SLC2A9: variants seen among roughly 807,000 people sequenced by gnomAD.
SLC2A9 encodes solute carrier family 2, facilitated glucose transporter member 9.
Under a neutral mutation model 50.6 loss-of-function variants are expected in SLC2A9, and 39 were observed. That is an observed-to-expected ratio of 0.77 (90% CI 0.60 to 1.01). SLC2A9 has a LOEUF of 1.01. Among genes scored for constraint, SLC2A9 ranks in the 50% least tolerant of loss-of-function variants. The pLI is 0.00. For synonymous variants in SLC2A9, 324 were observed against 276.9 expected, an observed-to-expected ratio of 1.17 and a Z score of -1.69; for missense variants, 686 against 677.6, an observed-to-expected ratio of 1.01 and a Z score of -0.14.
chr4:10,035,846 C>T (rs1764089015), intron 1 of SLC2A9: 1 of 152,368 alleles, frequency 6.6e-6, no homozygotes, highest in African/African-American at 2.4e-5. Context: ...TCTTCTCCTG[C>T]TCTTGAAGGT....
intron 1 of SLC2A9, chr4:10,035,854 GGTCAGAACTCC>G (rs1452917344): frequency 6.6e-6 from 1 of 152,416 alleles, no homozygotes; most frequent in Non-Finnish European, 1.5e-5. Context: ...TGCTCTTGAA[GGTCAGAACTCC>G]GAGCTCCCTG....
At position 9,861,220 on chromosome 4, in the gene SLC2A9, T is replaced by A. The variant is rs186558162; in HGVS notation, c.1292-26212A>T. On this transcript the variant is annotated intron_variant, in intron 10 of 11. Transcript: ENST00000264784. The stretch of plus-strand genomic sequence containing the variant: ...TGCGGAGGTCTCAGGAATCTTCCAA[T>A]CACGGTGGAAGGCAAAGGAGAAGTG... 4.6e-5 allele frequency among the ~76,000 whole-genome samples: 7 copies of A among 152,158 alleles called. No individual in the cohort carries two copies. In the East Asian group the frequency reaches 1.4e-3, roughly 29 times the overall value.
At chr4:10,004,017 A>G (rs1760336324) in intron 2 of SLC2A9, among the ~76,000 whole-genome samples, 1 of 152,222 alleles carries the variant, frequency 6.6e-6, no homozygotes, top group African/African-American at 2.4e-5. Flanking sequence ...CGATGTCACC[A>G]GGACTCAGCC....
chr4:9,928,056 C>T (rs1159835605), intron 6 of SLC2A9, among the ~76,000 whole-genome samples: 1 of 152,102 alleles, frequency 6.6e-6, no homozygotes, highest in Non-Finnish European at 1.5e-5. Context: ...GTGGGAGGAC[C>T]TCTTGAGCCC....
chr4:9,870,109 C>T (rs1457707431), intron 10 of SLC2A9, among the ~76,000 whole-genome samples: 2 of 152,212 alleles, frequency 1.3e-5, no homozygotes, highest in Admixed American at 6.5e-5. Context: ...CCAGGAGAGG[C>T]GTGTGGAAGG....
intron 10 of SLC2A9, among the ~76,000 whole-genome samples, chr4:9,882,047 T>C (rs985927010): frequency 8.5e-5 from 13 of 152,250 alleles, no homozygotes; most frequent in Non-Finnish European, 1.5e-5. Flanking sequence ...AAGATTGTTC[T>C]TGACCTCTGC....
intron 10 of SLC2A9, among the ~76,000 whole-genome samples, chr4:9,873,649 T>C (rs894377188): frequency 6.6e-6 from 1 of 152,112 alleles, no homozygotes. Context: ...GACCAATGAG[T>C]GAGGCTACTT....
At chr4:9,858,187 G>C (rs1731030042) in intron 10 of SLC2A9, among the ~76,000 whole-genome samples, 1 of 152,206 alleles carries the variant, frequency 6.6e-6, no homozygotes, top group South Asian at 2.1e-4. Flanking sequence ...TGAGTAGAAA[G>C]AGGGGAGGTG....
At chr4:9,866,526 G>A (rs892696386) in intron 10 of SLC2A9, among the ~76,000 whole-genome samples, 3 of 151,952 alleles carry the variant, frequency 2.0e-5, no homozygotes, top group East Asian at 1.9e-4. Flanking sequence ...CCAGTCACAC[G>A]TGCCTCCTTG....
intron 7 of SLC2A9, among the ~76,000 whole-genome samples, chr4:9,910,671 C>G (rs148849107): frequency 3.7e-3 from 560 of 152,308 alleles, no homozygotes; most frequent in Middle Eastern, 0.014. Context: ...TAATGTGAAT[C>G]CTCTTATGAT....
At chr4:9,773,210 G>T (rs1368051476) in intron 1 of SLC2A9, among the ~76,000 whole-genome samples, 1 of 152,192 alleles carries the variant, frequency 6.6e-6, no homozygotes, top group Non-Finnish European at 1.5e-5. Context: ...TGTGGTTGAG[G>T]TGATGTGGCT....
At chr4:9,893,288 C>T (rs1283627857) in intron 8 of SLC2A9, among the ~76,000 whole-genome samples, 1 of 152,008 alleles carries the variant, frequency 6.6e-6, no homozygotes, top group Non-Finnish European at 1.5e-5. Context: ...TAGGAGCCTT[C>T]ATCTTTGCTT....
In SLC2A9 at chr4:9,996,921, A is replaced by G; in HGVS notation, c.270T>C (p.Asn90=). The G allele has an allele frequency of 6.2e-7, 1 of 1,614,104 alleles. No homozygotes were observed. The highest frequency in any genetic ancestry group is 8.5e-7 in the Non-Finnish European group (1 of 1,179,970). The change falls in exon 3 of 12, where the codon AAT becomes AAC. Residue 90 remains asparagine, a synonymous_variant. Coordinates refer to ENST00000264784, the MANE Select transcript of SLC2A9 (RefSeq NM_020041.3). The stretch of plus-strand genomic sequence containing the variant: ...GTCCATGCCTTCTTTCCCATGACTC[A>G]TTGTAAAAGGCCTTGATGTACTGAA... ...APTPYIKAFY[N]ESWERRHGRP...
chr4:9,871,761 GC>G (rs1172575794), intron 10 of SLC2A9, among the ~76,000 whole-genome samples: 4 of 152,306 alleles, frequency 2.6e-5, no homozygotes, highest in Non-Finnish European at 1.5e-5. Context: ...CACAAACACT[GC>G]CAACCCACTG....
intron 3 of SLC2A9, among the ~76,000 whole-genome samples, chr4:9,989,458 T>C (rs1409123183): frequency 6.6e-6 from 1 of 152,056 alleles, no homozygotes; most frequent in African/African-American, 2.4e-5. Flanking sequence ...CTGATGACCA[T>C]GCTTTCTTTT....
chr4:9,883,273 C>A (rs892272925), intron 10 of SLC2A9, among the ~76,000 whole-genome samples: 1 of 152,130 alleles, frequency 6.6e-6, no homozygotes, highest in Non-Finnish European at 1.5e-5. Context: ...AAGTTATTAC[C>A]AGAGACTGGA....
chr4:10,022,529 C>T (rs963830812), upstream of SLC2A9, among the ~76,000 whole-genome samples: 1 of 152,224 alleles, frequency 6.6e-6, no homozygotes, highest in South Asian at 2.1e-4. Context: ...CATGTTGCCT[C>T]AGACGCCAGA....
chr4:10,030,638 TA>T (rs1763913590), intron 1 of SLC2A9, among the ~76,000 whole-genome samples: 1 of 152,160 alleles, frequency 6.6e-6, no homozygotes. Context: ...GAACCTATCG[TA>T]AAGCTCCTCT....
intron 3 of SLC2A9, among the ~76,000 whole-genome samples, chr4:9,789,517 G>A (rs1189245772): frequency 6.6e-6 from 1 of 152,204 alleles, no homozygotes; most frequent in Non-Finnish European, 1.5e-5. Context: ...CTAAAGAGCA[G>A]ACTAGACTTG....
Sources: gnomAD v4.1 joint callset for allele counts (sites outside exome capture counted in the v4.1 genomes callset) on GRCh38, gnomAD v4.1.1 for gene constraint, MANE v1.5 for transcripts, NCBI Gene and HGNC (gene_info 2026-07-23, HGNC 2026-07-21) for gene names.